The following RAPGEF2 variants were observed in gnomAD, a reference collection of about 807,000 sequenced individuals.
RAPGEF2 encodes the protein Rap guanine nucleotide exchange factor 2, also known as PDZ domain containing guanine nucleotide exchange factor (GEF) 1.
A neutral mutation model predicts 186.7 loss-of-function variants in RAPGEF2; 54 were observed. The observed-to-expected ratio is 0.29, with a 90% CI of 0.23 to 0.36. RAPGEF2 has a LOEUF of 0.36. RAPGEF2 is among the 10% of genes least tolerant of loss of function. The pLI, the probability that RAPGEF2 is intolerant of heterozygous loss-of-function variation, is 1.00. For synonymous variants in RAPGEF2, 712 were observed against 705.9 expected (o/e 1.01, Z -0.14); for missense variants, 1,532 against 2,045.0 (o/e 0.75, Z 4.84).
rs1764326372 is a variant in RAPGEF2, at chr4:159,314,596, A to G, written c.681A>G (p.Thr227=). Residue 227 remains threonine (T), a synonymous_variant, in exon 9 of 30, where the codon ACA becomes ACG. Coordinates refer to ENST00000691494, the MANE Select transcript of RAPGEF2 (RefSeq NM_001394067.2). Reference sequence around the variant, plus strand: ...TTTTGTGTGTGTGTCTTAAGGCCACAGAAAGCGAGGCTGGTGATATGGACC... The same window carrying G: ...TTTTGTGTGTGTGTCTTAAGGCCACGGAAAGCGAGGCTGGTGATATGGACC... ...SSSLSDIYQA[T]ESEAGDMDLS... 6.2e-7 allele frequency: 1 copy of G among 1,606,758 alleles called. No individual in the cohort carries two copies. The highest frequency in any genetic ancestry group is 1.7e-4 in the Middle Eastern group (1 of 6,008).
intron 1 of RAPGEF2, among the ~76,000 whole-genome samples, chr4:159,162,253 GGTAGCGTGTACTTGTAGTCCCAA>G (rs1744793334): frequency 6.7e-6 from 1 of 150,154 alleles, no homozygotes; most frequent in Admixed American, 6.6e-5. Flanking sequence ...AGCTGGATGT[GGTAGCGTGTACTTGTAGTCCCAA>G]GTAGCTGGGA....
chr4:159,195,875 GTTTTTTTTTTTT>G (rs34827512), intron 3 of RAPGEF2, among the ~76,000 whole-genome samples: 27 of 94,230 alleles, frequency 2.9e-4, no homozygotes, highest in Admixed American at 1.4e-3. Flanking sequence ...AAACATACCT[GTTTTTTTTTTTT>G]TTTTTTTTTT....
At chr4:159,242,175 A>T (rs1439627921) in intron 6 of RAPGEF2, among the ~76,000 whole-genome samples, 2 of 151,908 alleles carry the variant, frequency 1.3e-5, no homozygotes, top group Non-Finnish European at 2.9e-5. Flanking sequence ...TTGTTTTTTC[A>T]AGAGCAAAGT....
intron 4 of RAPGEF2, among the ~76,000 whole-genome samples, chr4:159,217,029 G>A (rs925167514): frequency 2.6e-5 from 4 of 151,912 alleles, no homozygotes; most frequent in South Asian, 2.1e-4. Flanking sequence ...CCGGTGCTGC[G>A]TGATAAGTTA....
chr4:159,316,212 A>G (rs993802842), intron 9 of RAPGEF2, among the ~76,000 whole-genome samples: 2 of 152,078 alleles, frequency 1.3e-5, no homozygotes, highest in African/African-American at 2.4e-5. Flanking sequence ...CTATCTCTGT[A>G]TGGCCTGGTT....
intron 2 of RAPGEF2, among the ~76,000 whole-genome samples, chr4:159,191,169 A>G (rs1579418955): frequency 7.0e-6 from 1 of 143,436 alleles, no homozygotes; most frequent in Admixed American, 6.7e-5. Flanking sequence ...GAAGTCAGGT[A>G]GAGGATGAAG....
chr4:159,111,217 C>G (rs568187350), intron 1 of RAPGEF2, among the ~76,000 whole-genome samples: 1 of 152,256 alleles, frequency 6.6e-6, no homozygotes, highest in Admixed American at 6.5e-5. Context: ...TTAAGTTGTC[C>G]TGGCTCCACC....
At chr4:159,118,393 A>G (rs973252534) in intron 1 of RAPGEF2, among the ~76,000 whole-genome samples, 9 of 152,148 alleles carry the variant, frequency 5.9e-5, no homozygotes, top group Non-Finnish European at 1.0e-4. Context: ...CTGATTCTAC[A>G]TTACGGTGAG....
At chr4:159,261,292 G>C (rs1421711943) in intron 7 of RAPGEF2, among the ~76,000 whole-genome samples, 1 of 151,824 alleles carries the variant, frequency 6.6e-6, no homozygotes, top group African/African-American at 2.4e-5. Context: ...TCCATCTCCT[G>C]ACCTTGTGAT....
chr4:159,160,613 C>T (rs556932717), intron 1 of RAPGEF2, among the ~76,000 whole-genome samples: 39 of 152,324 alleles, frequency 2.6e-4, no homozygotes, highest in Non-Finnish European at 4.1e-4. Context: ...GAGCTTAGAC[C>T]AGAGTTAGGT....
intron 4 of RAPGEF2, among the ~76,000 whole-genome samples, chr4:159,216,293 A>T (rs770742358): frequency 1.3e-4 from 20 of 152,298 alleles, no homozygotes; most frequent in Non-Finnish European, 2.8e-4. Flanking sequence ...AGTGTCATTG[A>T]ACAAGTAAGT....
chr4:159,120,779 A>G (rs1208528310), intron 1 of RAPGEF2, among the ~76,000 whole-genome samples: 1 of 152,144 alleles, frequency 6.6e-6, no homozygotes, highest in Non-Finnish European at 1.5e-5. Context: ...AACTTGAACT[A>G]TGTCTATCAG....
rs1293225509 is a variant in RAPGEF2 at position 159,215,701 on chromosome 4, T to C, written c.281+5118T>C. 2.0e-5 allele frequency among the ~76,000 whole-genome samples: 3 copies of C among 152,212 alleles called. No homozygotes were observed. The East Asian group carries it at 5.8e-4, about 29-fold the overall frequency. On this transcript the variant is annotated intron_variant, in intron 4 of 29. Coordinates refer to ENST00000691494, the MANE Select transcript of RAPGEF2 (RefSeq NM_001394067.2). ...TTATTGCTCTGATAGTTTAAAACTT[T>C]TTATATCTTTTATATAGAGCATTTG... is the stretch of plus-strand genomic sequence containing the variant.
At chr4:159,122,122 A>G (rs1442003070) in intron 1 of RAPGEF2, among the ~76,000 whole-genome samples, 1 of 152,020 alleles carries the variant, frequency 6.6e-6, no homozygotes, top group East Asian at 1.9e-4. Flanking sequence ...TGAATGCACA[A>G]AATATATTTA....
At chr4:159,136,732 A>C (rs569537920) in intron 1 of RAPGEF2, among the ~76,000 whole-genome samples, 1 of 152,220 alleles carries the variant, frequency 6.6e-6, no homozygotes, top group Non-Finnish European at 1.5e-5. Context: ...TTACTCTAAT[A>C]ATAGTTTCTG....
Position 159,332,604 on chromosome 4 carries a change from A to G in RAPGEF2, c.2042A>G (p.Lys681Arg), listed in dbSNP as rs1766840304. 3.7e-6 allele frequency: 6 copies of G among 1,614,188 alleles called. No homozygotes were observed. Among genetic ancestry groups the G allele is most frequent in the South Asian group, 1.1e-5 (1 of 91,084 alleles). Reference sequence around the variant, plus strand: ...GTGATAGGACTTGAAAAAGTGAACAAAAAAAGTAAAGCCAACACTGTGGGA... The same window carrying G: ...GTGATAGGACTTGAAAAAGTGAACAGAAAAAGTAAAGCCAACACTGTGGGA... ...EQVIGLEKVNKKSKANTVGGR... is the reference protein window; with the variant it reads ...EQVIGLEKVNRKSKANTVGGR... The change falls in exon 17 of 30, where the codon AAA becomes AGA. Residue 681 changes from lysine (K) to arginine (R), a missense_variant. Lys to Arg is a conservative substitution (Grantham distance 26). This residue lies in a region of RAPGEF2 where 810 missense variants were observed against 1,210.5 expected (regional missense o/e 0.67). Coordinates refer to ENST00000691494, the MANE Select transcript of RAPGEF2 (RefSeq NM_001394067.2).
intron 1 of RAPGEF2, among the ~76,000 whole-genome samples, chr4:159,185,570 A>G (rs1057291876): frequency 4.6e-5 from 7 of 152,218 alleles, no homozygotes; most frequent in African/African-American, 1.7e-4. Context: ...CCCAAAGATC[A>G]TATATTCCAC....
At chr4:159,181,027 T>C (rs1746955221) in intron 1 of RAPGEF2, among the ~76,000 whole-genome samples, 2 of 152,248 alleles carry the variant, frequency 1.3e-5, no homozygotes, top group African/African-American at 4.8e-5. Context: ...TTCAAAATTG[T>C]TAAATCCATG....
chr4:159,346,006 C>T (rs1730257364), intron 24 of RAPGEF2, among the ~76,000 whole-genome samples: 2 of 152,102 alleles, frequency 1.3e-5, no homozygotes, highest in Admixed American at 6.6e-5. Flanking sequence ...ATTAGATTTA[C>T]CCAGGATGCT....
Sources: allele counts gnomAD v4.1 joint callset (sites outside exome capture counted in the v4.1 genomes callset), GRCh38; gene constraint gnomAD v4.1.1; regional missense constraint gnomAD v4.1.1; transcripts MANE v1.5; gene names NCBI Gene and HGNC (gene_info 2026-07-23, HGNC 2026-07-21).